ZFHX3: variants seen among roughly 807,000 people sequenced by gnomAD.
ZFHX3 encodes the protein zinc finger homeobox 3, also known as zinc finger homeobox protein 3.
Under a neutral mutation model 279.1 loss-of-function variants are expected in ZFHX3, and 42 were observed. That is an observed-to-expected ratio of 0.15 (90% CI 0.12 to 0.19). The LOEUF (loss-of-function observed/expected upper bound fraction) is 0.19. ZFHX3 is among the 10% of genes least tolerant of loss of function. The probability of loss-of-function intolerance (pLI) is 1.00; values close to 1 mark genes in which losing one functional copy is unlikely to be tolerated. For synonymous variants in ZFHX3, 2,293 were observed against 1,957.8 expected (o/e 1.17, Z -4.52); for missense variants, 4,981 against 4,754.0 (o/e 1.05, Z -1.40).
chr16:73,823,101 G>C (rs1960796023), intron 1 of ZFHX3, among the ~76,000 whole-genome samples: 1 of 152,166 alleles, frequency 6.6e-6, no homozygotes. Flanking sequence ...GATCATAAAA[G>C]CAAATAGGAA....
chr16:73,153,251 A>T (rs1405458368), intron 5 of ZFHX3, among the ~76,000 whole-genome samples: 2 of 152,196 alleles, frequency 1.3e-5, no homozygotes, highest in African/African-American at 4.8e-5. Context: ...TTCGATAAAT[A>T]ATTGCACCTT....
intron 3 of ZFHX3, among the ~76,000 whole-genome samples, chr16:73,366,840 G>T (rs918942031): frequency 3.3e-5 from 5 of 152,172 alleles, no homozygotes; most frequent in Admixed American, 6.5e-5. Context: ...ATAGAGGAAA[G>T]TTCAAATCAT....
intron 2 of ZFHX3, among the ~76,000 whole-genome samples, chr16:73,656,783 T>C (rs1328585020): frequency 2.0e-5 from 3 of 152,196 alleles, no homozygotes; most frequent in Admixed American, 6.5e-5. Context: ...TACATAAAAA[T>C]AACAATAGAC....
intron 2 of ZFHX3, among the ~76,000 whole-genome samples, chr16:73,615,366 G>C (rs1337379639): frequency 2.0e-5 from 3 of 152,112 alleles, no homozygotes; most frequent in African/African-American, 4.8e-5. Context: ...GACAAGCACA[G>C]GGCTGTGGCA....
At chr16:73,637,289 C>G (rs915190779) in intron 2 of ZFHX3, among the ~76,000 whole-genome samples, 1 of 142,160 alleles carries the variant, frequency 7.0e-6, no homozygotes, top group Non-Finnish European at 1.5e-5. Context: ...TGCAGTACAA[C>G]GGGGTGATCT....
chr16:73,670,943 T>C (rs902144817), intron 2 of ZFHX3, among the ~76,000 whole-genome samples: 3 of 152,230 alleles, frequency 2.0e-5, no homozygotes, highest in Non-Finnish European at 2.9e-5. Flanking sequence ...CTACAGTTAC[T>C]AATATGACTT....
In ZFHX3 at chr16:72,798,506, C is replaced by A. The variant is rs200609704; in HGVS notation, c.4176G>T (p.Pro1392=). 1.9e-6 allele frequency: 3 copies of A among 1,614,138 alleles called. No individual in the cohort carries two copies. Among genetic ancestry groups the A allele is most frequent in the Non-Finnish European group, 2.5e-6 (3 of 1,180,010 alleles). The change falls in exon 9 of 10, where the codon CCG becomes CCT. Residue 1392 remains proline, a synonymous_variant. Coordinates refer to ENST00000268489, the MANE Select transcript of ZFHX3 (RefSeq NM_006885.4). ...NEVHAKRPQL[P]VSDRHVYKYR... ...ACTTGTACACATGGCGATCTGACAC[C>A]GGCAGCTGAGGCCTCTTGGCATGCA... is the stretch of plus-strand genomic sequence containing the variant.
chr16:73,048,370 G>C (rs537369942), upstream of ZFHX3: 1 of 151,648 alleles, frequency 6.6e-6, no homozygotes, highest in East Asian at 1.9e-4. Context: ...GCACAGGGAC[G>C]CGCGGGACCC....
At chr16:72,983,250 T>A (rs185869602) in intron 1 of ZFHX3, among the ~76,000 whole-genome samples, 2 of 152,292 alleles carry the variant, frequency 1.3e-5, no homozygotes, top group African/African-American at 4.8e-5. Flanking sequence ...GTGACATTTT[T>A]AGGAAGAGCA....
chr16:72,997,343 C>T (rs917277906), intron 1 of ZFHX3, among the ~76,000 whole-genome samples: 27 of 152,180 alleles, frequency 1.8e-4, no homozygotes, highest in Non-Finnish European at 2.6e-4. Context: ...CAACAGCTGC[C>T]TTCCTTTAAA....
At chr16:73,059,636 G>A (rs78250085) in exon 1 of ZFHX3, 8,702 of 151,108 alleles carry the variant, frequency 0.058, 362 homozygotes, top group East Asian at 0.22. Flanking sequence ...AGTGGAGGGG[G>A]ACAGCTTAGA....
rs747711659 is a variant in ZFHX3 at position 72,796,409 on chromosome 16, C to T, written c.6273G>A (p.Pro2091=). Reference sequence around the variant, plus strand: ...GCGGCGAGAAGATGGGCAGCTCCATCGGCATGGAGAGCTGGGTGAGCGGCA... The same window carrying T: ...GCGGCGAGAAGATGGGCAGCTCCATTGGCATGGAGAGCTGGGTGAGCGGCA... The part of the protein sequence containing the change: ...PSVPLTQLSM[P]MELPIFSPLM... The change falls in exon 9 of 10, where the codon CCG becomes CCA. Residue 2091 remains proline (P), a synonymous_variant. Coordinates refer to ENST00000268489, the MANE Select transcript of ZFHX3 (RefSeq NM_006885.4). 33 of 1,612,194 alleles carry T rather than the reference C, an allele frequency of 2.0e-5. 1 individual carries two copies. The East Asian group carries it at 3.1e-4, about 15-fold the overall frequency.
chr16:72,918,844 C>T (rs1364228968), intron 3 of ZFHX3, among the ~76,000 whole-genome samples: 2 of 151,870 alleles, frequency 1.3e-5, no homozygotes, highest in Non-Finnish European at 2.9e-5. Context: ...TACAGGCACC[C>T]GCCACCATGC....
intron 1 of ZFHX3, among the ~76,000 whole-genome samples, chr16:73,837,317 A>C (rs1376048884): frequency 1.3e-5 from 2 of 152,248 alleles, no homozygotes; most frequent in Non-Finnish European, 2.9e-5. Flanking sequence ...ATTTCTATTT[A>C]ATTTCAAAAC....
chr16:72,928,189 G>T (rs1359888159), intron 3 of ZFHX3, among the ~76,000 whole-genome samples: 1 of 45,186 alleles, frequency 2.2e-5, no homozygotes, highest in Non-Finnish European at 4.5e-5. Context: ...GAGAGAGGGA[G>T]GGGGAGGGGA....
rs556219075 is a variant in ZFHX3 at position 73,482,597 on chromosome 16, G to A, written c.-1546-26339C>T. On this transcript the variant is annotated intron_variant, in intron 2 of 17. Coordinates refer to the ZFHX3 transcript ENST00000641206. ...CAACACTAATTAGTAATGCAATCCC[G>A]CAAAGAGTGAAGCTGCCTGCCACCT... 1.2e-3 allele frequency among the ~76,000 whole-genome samples: 177 copies of A among 152,224 alleles called. 1 individual carries two copies. The highest frequency in any genetic ancestry group is 3.8e-3 in the African/African-American group (159 of 41,530).
At chr16:73,003,505 T>C (rs867120922) in intron 1 of ZFHX3, among the ~76,000 whole-genome samples, 4 of 130,488 alleles carry the variant, frequency 3.1e-5, no homozygotes, top group Admixed American at 1.7e-4. Flanking sequence ...CTGGCCAACA[T>C]GGTGAGACCC....
At chr16:72,945,782 G>A (rs975182874) in intron 3 of ZFHX3, among the ~76,000 whole-genome samples, 1 of 152,070 alleles carries the variant, frequency 6.6e-6, no homozygotes, top group African/African-American at 2.4e-5. Flanking sequence ...GCCAAGCTGG[G>A]AAGGCAGGAC....
chr16:72,906,437 T>C lies in ZFHX3; in HGVS notation c.3217-16475A>G, dbSNP rs935859890. On this transcript the variant is annotated intron_variant, in intron 3 of 9. Coordinates refer to ENST00000268489, the MANE Select transcript of ZFHX3 (RefSeq NM_006885.4). Reference sequence around the variant, plus strand: ...ATCTTATTCCAGACAGATGATAGTTTACAAAACCTTCTGGAGAACTGTGAG... The same window carrying C: ...ATCTTATTCCAGACAGATGATAGTTCACAAAACCTTCTGGAGAACTGTGAG... 4.0e-5 allele frequency among the ~76,000 whole-genome samples: 6 copies of C among 151,820 alleles called. No individual in the cohort carries two copies. The South Asian group carries it at 1.2e-3, about 32-fold the overall frequency.
Sources: gnomAD v4.1 joint callset for allele counts (sites outside exome capture counted in the v4.1 genomes callset) on GRCh38, gnomAD v4.1.1 for gene constraint, MANE v1.5 for transcripts, NCBI Gene and HGNC (gene_info 2026-07-23, HGNC 2026-07-21) for gene names.